Variants in CCDC33 observed in about 807,000 individuals in gnomAD.
CCDC33 encodes the protein coiled-coil domain containing 33.
A neutral mutation model predicts 91.9 loss-of-function variants in CCDC33; 94 were observed. That is an observed-to-expected ratio of 1.02 (90% CI 0.87 to 1.21). CCDC33 has a LOEUF of 1.21. Ranked by LOEUF, CCDC33 falls within the 50% of genes most tolerant of loss-of-function variation. The pLI is 0.00. For missense variants in CCDC33, 940 were observed against 935.5 expected (o/e 1.00, Z -0.06); for synonymous variants, 396 against 374.5 (o/e 1.06, Z -0.66).
At chr15:74,279,581 G>GC (rs2076536199) in intron 7 of CCDC33, among the ~76,000 whole-genome samples, 1 of 151,944 alleles carries the variant, frequency 6.6e-6, no homozygotes, top group African/African-American at 2.4e-5. Flanking sequence ...TGTCACCCAG[G>GC]CTGGAGTACA....
At chr15:74,336,264 C>G (rs1432882406), downstream of CCDC33, 6 of 1,420,048 alleles carry the variant, frequency 4.2e-6, no homozygotes, top group Non-Finnish European at 4.6e-6. Flanking sequence ...GCCCCAGGAG[C>G]CAGCATCTTT....
chr15:74,232,422 G>C (rs570627456), upstream of CCDC33, among the ~76,000 whole-genome samples: 17 of 152,328 alleles, frequency 1.1e-4, no homozygotes, highest in South Asian at 1.9e-3. Flanking sequence ...AGAGACAAGA[G>C]GGAACAATGA....
chr15:74,294,654 G>A (rs925135512), intron 10 of CCDC33, among the ~76,000 whole-genome samples: 2 of 151,778 alleles, frequency 1.3e-5, no homozygotes, highest in Non-Finnish European at 2.9e-5. Flanking sequence ...GGCTAAGGCA[G>A]GAGAATTACT....
At chr15:74,208,915 C>T (rs2074322792) in intron 1 of CCDC33, 1 of 990,980 alleles carries the variant, frequency 1.0e-6, no homozygotes, top group Non-Finnish European at 1.2e-6. Context: ...ACGGGGCCTT[C>T]TCCTCTGAGC....
At chr15:74,247,641 C>T (rs2075579572) in intron 2 of CCDC33, among the ~76,000 whole-genome samples, 1 of 152,088 alleles carries the variant, frequency 6.6e-6, no homozygotes, top group African/African-American at 2.4e-5. Flanking sequence ...AAGATAAACT[C>T]ATAGATGCAG....
chr15:74,248,787 G>T (rs1163978685), intron 2 of CCDC33, among the ~76,000 whole-genome samples: 1 of 151,898 alleles, frequency 6.6e-6, no homozygotes, highest in East Asian at 1.9e-4. Flanking sequence ...CTCATCTTGG[G>T]GGTCAGCCTG....
intron 11 of CCDC33, chr15:74,302,325 T>C (rs927760363): frequency 6.6e-6 from 1 of 152,208 alleles, no homozygotes; most frequent in Admixed American, 6.5e-5. Flanking sequence ...CCAGGGAAGC[T>C]GTGGCCTCTC....
chr15:74,285,966 G>T (rs1227564080), intron 10 of CCDC33, among the ~76,000 whole-genome samples: 1 of 152,186 alleles, frequency 6.6e-6, no homozygotes, highest in East Asian at 1.9e-4. Context: ...CCATGAGTCT[G>T]GCTGGGTGCG....
At chr15:74,211,705 C>T (rs1220187906) in intron 2 of CCDC33, among the ~76,000 whole-genome samples, 1 of 151,702 alleles carries the variant, frequency 6.6e-6, no homozygotes, top group African/African-American at 2.4e-5. Context: ...TGCTCAGCCC[C>T]TTTCTCTCTT....
chr15:74,207,545 C>T (rs1477444115), intron 1 of CCDC33, among the ~76,000 whole-genome samples: 3 of 152,212 alleles, frequency 2.0e-5, no homozygotes, highest in African/African-American at 7.2e-5. Flanking sequence ...CGTTGCTCTC[C>T]ACCCTCCCAT....
chr15:74,295,061 G>C (rs2142596900), intron 10 of CCDC33, among the ~76,000 whole-genome samples: 1 of 152,328 alleles, frequency 6.6e-6, no homozygotes, highest in Non-Finnish European at 1.5e-5. Context: ...GGATGATAGA[G>C]GAGATGAAAT....
chr15:74,298,709 C>CTTTTTTTTTTTTTT (rs35450110), intron 11 of CCDC33, among the ~76,000 whole-genome samples: 1 of 75,620 alleles, frequency 1.3e-5, no homozygotes, highest in Non-Finnish European at 2.3e-5. Flanking sequence ...CTAATTCTGC[C>CTTTTTTTTTTTTTT]TTTTTTTTTT....
At chr15:74,224,446 C>T (rs2074721578) in intron 2 of CCDC33, among the ~76,000 whole-genome samples, 2 of 152,154 alleles carry the variant, frequency 1.3e-5, no homozygotes, top group Admixed American at 1.3e-4. Context: ...GTCCCTCCAC[C>T]CCTGTGCTTC....
rs139096809 is a variant in CCDC33 at position 74,227,029 on chromosome 15, G to A, written c.675+8168G>A. On this transcript the variant is annotated intron_variant, in intron 2 of 2. Coordinates refer to the CCDC33 transcript ENST00000635913. ...GCTCTGTACTATCCCCTCTGTACCAGAGGCTGCTCTGGGCCAGGCTGGCAG... is the reference window on the plus strand; with the variant it reads ...GCTCTGTACTATCCCCTCTGTACCAAAGGCTGCTCTGGGCCAGGCTGGCAG... Among the ~76,000 whole-genome samples, 984 of 152,252 alleles carry A rather than the reference G, an allele frequency of 6.5e-3. 13 individuals carry two copies. Among genetic ancestry groups the A allele is most frequent in the African/African-American group, 0.012 (491 of 41,542 alleles).
intron 11 of CCDC33, among the ~76,000 whole-genome samples, chr15:74,305,890 T>C (rs971200730): frequency 2.7e-5 from 4 of 147,464 alleles, no homozygotes; most frequent in African/African-American, 7.6e-5. Context: ...TCACTCAACC[T>C]CTCTGATCCT....
chr15:74,293,283 T>C (rs1381756245), intron 10 of CCDC33, among the ~76,000 whole-genome samples: 2 of 152,176 alleles, frequency 1.3e-5, no homozygotes, highest in Non-Finnish European at 2.9e-5. Context: ...TGCCTGGAAA[T>C]GAGCAGAAAT....
At chr15:74,311,652 A>T (rs916813671) in intron 11 of CCDC33, 2 of 152,212 alleles carry the variant, frequency 1.3e-5, no homozygotes, top group African/African-American at 4.8e-5. Flanking sequence ...AAAGGGTTTG[A>T]GGAAACAGGC....
At chr15:74,221,857 C>G (rs992165402) in intron 2 of CCDC33, among the ~76,000 whole-genome samples, 1 of 152,176 alleles carries the variant, frequency 6.6e-6, no homozygotes, top group African/African-American at 2.4e-5. Flanking sequence ...TCGTCCCACC[C>G]CCTCAGCGCT....
intron 1 of CCDC33, among the ~76,000 whole-genome samples, chr15:74,237,026 C>T (rs1320437054): frequency 6.6e-6 from 1 of 152,218 alleles, no homozygotes; most frequent in African/African-American, 2.4e-5. Flanking sequence ...TGGGGTCACA[C>T]AGTCTGAGAG....
Sources: gnomAD v4.1 joint callset for allele counts (sites outside exome capture counted in the v4.1 genomes callset) on GRCh38, gnomAD v4.1.1 for gene constraint, MANE v1.5 for transcripts, NCBI Gene and HGNC (gene_info 2026-07-23, HGNC 2026-07-21) for gene names.